Variants in BMPR1B observed in about 807,000 individuals in gnomAD.
The protein encoded by BMPR1B is bone morphogenetic protein receptor type 1B.
A neutral mutation model predicts 59.1 loss-of-function variants in BMPR1B; 12 were observed. The observed-to-expected ratio is 0.20, with a 90% CI of 0.13 to 0.33. The LOEUF (loss-of-function observed/expected upper bound fraction) is 0.33, where lower values mean the gene tolerates loss of function less well. Among genes scored for constraint, BMPR1B ranks in the 10% least tolerant of loss-of-function variants. The pLI is 1.00. For synonymous variants in BMPR1B, 237 were observed against 207.3 expected (o/e 1.14, Z -1.23); for missense variants, 550 against 610.9 (o/e 0.90, Z 1.05).
At chr4:95,098,694 T>C (rs1730602704) in intron 3 of BMPR1B, among the ~76,000 whole-genome samples, 1 of 152,112 alleles carries the variant, frequency 6.6e-6, no homozygotes, top group African/African-American at 2.4e-5. Flanking sequence ...GCCTTATATC[T>C]GTTAACTTAC....
At chr4:94,824,941 A>G (rs752803303) in intron 1 of BMPR1B, among the ~76,000 whole-genome samples, 8 of 152,202 alleles carry the variant, frequency 5.3e-5, no homozygotes, top group African/African-American at 7.2e-5. Context: ...ATTTTGTTAC[A>G]TTGGTGCATT....
Position 95,036,704 on chromosome 4 carries a change from CTTTT to C in BMPR1B, c.-18+40586_-18+40589del, listed in dbSNP as rs5860386. Reference sequence around the variant, plus strand: ...AGATATCTCTTCAATATACAATTTCCTTTTTTTTTTTTTTTTTTTGATATTTACC... The same window carrying C: ...AGATATCTCTTCAATATACAATTTCCTTTTTTTTTTTTTTTGATATTTACC... On this transcript the variant is annotated intron_variant, in intron 3 of 12. Coordinates refer to ENST00000515059, the MANE Select transcript of BMPR1B (RefSeq NM_001203.3). Among the ~76,000 whole-genome samples, 690 of 128,072 alleles carry C rather than the reference CTTTT, an allele frequency of 5.4e-3. 3 individuals carry two copies. The highest frequency in any genetic ancestry group is 0.015 in the African/African-American group (508 of 33,446). 84.0% of individuals were successfully genotyped at this position (128,072 alleles called of 152,430 possible).
At chr4:95,032,733 T>TAAA (rs1724965897) in intron 3 of BMPR1B, among the ~76,000 whole-genome samples, 1 of 152,174 alleles carries the variant, frequency 6.6e-6, no homozygotes, top group African/African-American at 2.4e-5. Context: ...AATATTCTGT[T>TAAA]GTAGTGTAGA....
intron 1 of BMPR1B, among the ~76,000 whole-genome samples, chr4:94,858,239 C>T (rs1178044810): frequency 2.6e-5 from 4 of 152,198 alleles, no homozygotes; most frequent in South Asian, 2.1e-4. Context: ...CGTGAGCCAC[C>T]GTGCCTGGCC....
At chr4:95,127,441 AATT>A (rs1401353648) in intron 8 of BMPR1B, among the ~76,000 whole-genome samples, 1 of 152,154 alleles carries the variant, frequency 6.6e-6, no homozygotes, top group Non-Finnish European at 1.5e-5. Context: ...CAAAACTTAT[AATT>A]AAATTATAAA....
chr4:94,924,992 C>T (rs1728830761), intron 2 of BMPR1B, among the ~76,000 whole-genome samples: 1 of 152,138 alleles, frequency 6.6e-6, no homozygotes, highest in South Asian at 2.1e-4. Context: ...CTCCTGGCCA[C>T]TTAGACTGTA....
intron 3 of BMPR1B, among the ~76,000 whole-genome samples, chr4:95,062,302 C>T (rs940330763): frequency 2.0e-5 from 3 of 152,108 alleles, no homozygotes; most frequent in African/African-American, 7.2e-5. Context: ...CTTTGATTTC[C>T]TATTTATTCT....
At chr4:94,759,099 T>TA (rs892348357) in intron 1 of BMPR1B, among the ~76,000 whole-genome samples, 1 of 152,200 alleles carries the variant, frequency 6.6e-6, no homozygotes, top group African/African-American at 2.4e-5. Context: ...GTGCGGGTCT[T>TA]ACTTCTTTAG....
intron 1 of BMPR1B, among the ~76,000 whole-genome samples, chr4:94,811,487 G>A (rs1340956969): frequency 2.0e-5 from 3 of 152,132 alleles, no homozygotes; most frequent in Non-Finnish European, 2.9e-5. Flanking sequence ...TCGAATAGCT[G>A]TAATCAGCTG....
chr4:95,117,610 C>CCAT (rs1397040118), intron 6 of BMPR1B, among the ~76,000 whole-genome samples: 1 of 151,642 alleles, frequency 6.6e-6, no homozygotes, highest in Non-Finnish European at 1.5e-5. Flanking sequence ...TAGCAAGGCT[C>CCAT]CATCTCTAAA....
chr4:94,816,986 A>G (rs1724032092), intron 1 of BMPR1B, among the ~76,000 whole-genome samples: 1 of 152,106 alleles, frequency 6.6e-6, no homozygotes, highest in South Asian at 2.1e-4. Flanking sequence ...TGAGGGAAGA[A>G]TCCTCATGAA....
intron 1 of BMPR1B, among the ~76,000 whole-genome samples, chr4:94,768,529 C>T (rs1382754695): frequency 6.6e-6 from 1 of 152,056 alleles, no homozygotes; most frequent in African/African-American, 2.4e-5. Context: ...ATCTTCCTCA[C>T]TTTTGCACTT....
At chr4:94,863,378 A>G (rs751024965) in intron 1 of BMPR1B, among the ~76,000 whole-genome samples, 1 of 152,176 alleles carries the variant, frequency 6.6e-6, no homozygotes, top group Admixed American at 6.5e-5. Flanking sequence ...GCTTCTGGCC[A>G]TTTCACCAGC....
At chr4:94,781,166 A>T (rs555596854) in intron 1 of BMPR1B, among the ~76,000 whole-genome samples, 31 of 152,230 alleles carry the variant, frequency 2.0e-4, no homozygotes, top group African/African-American at 7.5e-4. Flanking sequence ...ATTTCAAGAA[A>T]TTGAGTTATT....
intron 1 of BMPR1B, among the ~76,000 whole-genome samples, chr4:94,797,068 G>GAATCATGTA (rs1723221055): frequency 1.3e-5 from 2 of 152,138 alleles, no homozygotes; most frequent in Non-Finnish European, 2.9e-5. Context: ...CCACATGGCT[G>GAATCATGTA]GGGAGGCCTC....
intron 2 of BMPR1B, among the ~76,000 whole-genome samples, chr4:94,905,004 T>G (rs1268462498): frequency 6.6e-6 from 1 of 152,070 alleles, no homozygotes; most frequent in Non-Finnish European, 1.5e-5. Context: ...TTTAAATAAT[T>G]TCTATTTTTG....
intron 1 of BMPR1B, among the ~76,000 whole-genome samples, chr4:94,865,915 C>G (rs904899066): frequency 6.6e-6 from 1 of 151,886 alleles, no homozygotes. Context: ...TGATTTGTGT[C>G]AGGAGTTTTC....
chr4:95,015,647 A>C (rs151335062), intron 3 of BMPR1B, among the ~76,000 whole-genome samples: 39 of 152,062 alleles, frequency 2.6e-4, no homozygotes, highest in African/African-American at 9.2e-4. Context: ...TCTGACTTCC[A>C]AAAGTGCTGG....
intron 2 of BMPR1B, among the ~76,000 whole-genome samples, chr4:94,950,601 G>A (rs1286432558): frequency 6.6e-6 from 1 of 152,128 alleles, no homozygotes; most frequent in African/African-American, 2.4e-5. Context: ...GATGGTTGTA[G>A]ATGTGTGGTG....
Sources: allele counts gnomAD v4.1 joint callset (sites outside exome capture counted in the v4.1 genomes callset), GRCh38; gene constraint gnomAD v4.1.1; transcripts MANE v1.5; gene names NCBI Gene and HGNC (gene_info 2026-07-23, HGNC 2026-07-21).